Variants in KYAT3 observed in about 807,000 individuals in gnomAD.
The protein encoded by KYAT3 is kynurenine aminotransferase 3, also known as kynurenine--oxoglutarate transaminase 3.
In KYAT3, 50 loss-of-function variants were observed where a neutral mutation model predicts 59.0. The observed-to-expected ratio is 0.85, with a 90% CI of 0.68 to 1.07. The LOEUF (loss-of-function observed/expected upper bound fraction) is 1.07, where lower values mean the gene tolerates loss of function less well. Among genes scored for constraint, KYAT3 ranks in the 50% least tolerant of loss-of-function variants. KYAT3 has a pLI of 0.00. For missense variants in KYAT3, 497 were observed against 533.3 expected (o/e 0.93, Z 0.67); for synonymous variants, 148 against 177.0 (o/e 0.84, Z 1.30).
intron 13 of KYAT3, 73 bp downstream of exon 13, chr1:88,942,932 C>A: frequency 3.6e-6 from 4 of 1,123,032 alleles, no homozygotes; most frequent in Non-Finnish European, 5.3e-6. Context: ...TTTTTAGAAA[C>A]AGAAGAAAAT....
chr1:88,986,313 TA>T (rs1362947645), intron 2 of KYAT3, among the ~76,000 whole-genome samples: 4,899 of 141,568 alleles, frequency 0.035, 221 homozygotes, highest in African/African-American at 0.11. Flanking sequence ...TAGACTCTCT[TA>T]AAAAAAAAAA....
chr1:88,924,492 A>G, the KYAT3 span, among the ~76,000 whole-genome samples: 1 of 152,042 alleles, frequency 6.6e-6, no homozygotes, highest in Non-Finnish European at 1.5e-5. Context: ...ATATTGCACT[A>G]TTCACCCACA....
At chr1:88,927,002 A>T in the KYAT3 span, among the ~76,000 whole-genome samples, 3 of 152,142 alleles carry the variant, frequency 2.0e-5, no homozygotes, top group Non-Finnish European at 4.4e-5. Flanking sequence ...AGCAGCCCGG[A>T]CCCATTTCTT....
intron 13 of KYAT3, among the ~76,000 whole-genome samples, chr1:88,939,282 A>G (rs766336146): frequency 1.1e-4 from 17 of 152,114 alleles, no homozygotes; most frequent in Non-Finnish European, 2.1e-4. Context: ...CTGAATTCAA[A>G]CTGCTTTCTT....
intron 10 of KYAT3, among the ~76,000 whole-genome samples, chr1:88,950,110 C>T (rs935399620): frequency 7.9e-5 from 12 of 152,266 alleles, no homozygotes; most frequent in African/African-American, 2.9e-4. Flanking sequence ...AGCATGTCCC[C>T]ACCAGACACC....
chr1:88,953,062 C>A lies in KYAT3; in HGVS notation c.954+1G>T, dbSNP rs1176415546. 6.3e-7 allele frequency: 1 copy of A among 1,581,000 alleles called. No homozygotes were observed. The highest frequency in any genetic ancestry group is 1.7e-5 in the Admixed American group (1 of 59,954). ...CTACCCTGAGTTACTATAACACTTACCTGTAAAGGAGTTGCACAAGTATAA... is the reference window on the plus strand; with the variant it reads ...CTACCCTGAGTTACTATAACACTTAACTGTAAAGGAGTTGCACAAGTATAA... On this transcript the variant is annotated splice_donor_variant, in intron 10 of 13. Transcript: ENST00000260508. LOFTEE classifies it high-confidence loss of function.
chr1:88,980,616 C>T lies in KYAT3; in HGVS notation c.99+7636G>A, dbSNP rs555524059. ...ATCAAGATCTGATTCTTTTTCCACA[C>T]GTCTGCTAGTTCAGTAAACTATTTA... On this transcript the variant is annotated intron_variant, in intron 2 of 13. Transcript: ENST00000260508. The T allele has an allele frequency of 3.9e-4, 59 of 152,628 alleles. 1 individual carries two copies. The highest frequency in any genetic ancestry group is 1.3e-4 in the Non-Finnish European group (9 of 68,002). The allele number at this position is 152,628 out of a possible 1,614,324, so 9.5% of individuals were successfully genotyped here.
chr1:88,979,453 A>G (rs1676964513), intron 2 of KYAT3: 1 of 152,240 alleles, frequency 6.6e-6, no homozygotes, highest in South Asian at 2.1e-4. Flanking sequence ...ATTTACGAAC[A>G]TGTGTCTTAC....
the KYAT3 span, among the ~76,000 whole-genome samples, chr1:88,924,275 C>T: frequency 6.6e-6 from 1 of 152,246 alleles, no homozygotes; most frequent in Non-Finnish European, 1.5e-5. Context: ...GCCCAGCTCC[C>T]TTCACAAGGA....
At chr1:88,965,935 A>G (rs1015812056) in intron 4 of KYAT3, among the ~76,000 whole-genome samples, 2 of 152,242 alleles carry the variant, frequency 1.3e-5, no homozygotes, top group Non-Finnish European at 2.9e-5. Context: ...AAGCAACTAT[A>G]AACACTATAT....
intron 13 of KYAT3, among the ~76,000 whole-genome samples, chr1:88,941,805 A>G (rs978425883): frequency 6.6e-6 from 1 of 152,130 alleles, no homozygotes; most frequent in South Asian, 2.1e-4. Context: ...TGGTCTCCCA[A>G]CATGTTGGGA....
intron 6 of KYAT3, 22 bp downstream of exon 6, chr1:88,962,037 T>C: frequency 6.4e-7 from 1 of 1,565,700 alleles, no homozygotes; most frequent in Non-Finnish European, 8.8e-7. Context: ...CTTTGCCATA[T>C]GAACCATACT....
intron 2 of KYAT3, chr1:88,983,846 T>C: frequency 2.5e-6 from 4 of 1,613,060 alleles, no homozygotes; most frequent in Non-Finnish European, 1.7e-6. Context: ...TGCCGGTGAG[T>C]CGGAGGGGTG....
chr1:88,957,466 G>T (rs963316557), intron 8 of KYAT3, among the ~76,000 whole-genome samples: 2 of 152,128 alleles, frequency 1.3e-5, no homozygotes, highest in African/African-American at 2.4e-5. Context: ...GCAAATTGAT[G>T]TAATGGCCAT....
At chr1:88,959,925 G>A (rs1425129625) in intron 8 of KYAT3, among the ~76,000 whole-genome samples, 4 of 149,544 alleles carry the variant, frequency 2.7e-5, no homozygotes, top group East Asian at 2.0e-4. Flanking sequence ...AAAATTAGCC[G>A]GGTATGGTGG....
chr1:88,976,619 G>C (rs1368485695), intron 2 of KYAT3, among the ~76,000 whole-genome samples: 1 of 152,204 alleles, frequency 6.6e-6, no homozygotes, highest in Admixed American at 6.5e-5. Context: ...TTAAAAAAAA[G>C]TTGACTATAA....
intron 13 of KYAT3, among the ~76,000 whole-genome samples, chr1:88,937,932 C>T (rs142459884): frequency 1.3e-5 from 2 of 152,242 alleles, no homozygotes; most frequent in East Asian, 3.9e-4. Context: ...GACATGACAA[C>T]TAAATGCAAT....
intron 2 of KYAT3, chr1:88,983,050 G>A (rs139696847): frequency 6.2e-7 from 1 of 1,612,560 alleles, no homozygotes; most frequent in East Asian, 2.2e-5. Flanking sequence ...TATCGCCATA[G>A]CCTCTTGATG....
chr1:88,943,197 A>G (rs545551435), intron 12 of KYAT3, 106 bp from the exon 13 acceptor site: 7 of 1,076,862 alleles, frequency 6.5e-6, no homozygotes, highest in Non-Finnish European at 9.6e-6. Context: ...AATAGTCACA[A>G]TAATTTCCAA....
Sources: allele counts gnomAD v4.1 joint callset (sites outside exome capture counted in the v4.1 genomes callset), GRCh38; gene constraint gnomAD v4.1.1; transcripts MANE v1.5; gene names NCBI Gene and HGNC (gene_info 2026-07-23, HGNC 2026-07-21).